The following MTF1 variants were observed in gnomAD, a reference collection of about 807,000 sequenced individuals.
The protein encoded by MTF1 is metal regulatory transcription factor 1.
Under a neutral mutation model 70.4 loss-of-function variants are expected in MTF1, and 22 were observed. The observed-to-expected ratio is 0.31, with a 90% CI of 0.22 to 0.45. The LOEUF is 0.45. Ranked by LOEUF, MTF1 falls within the 20% of genes least tolerant of loss-of-function variation. The pLI is 1.00. For synonymous variants in MTF1, 333 were observed against 352.8 expected, an observed-to-expected ratio of 0.94 and a Z score of 0.63; for missense variants, 649 against 922.0, an observed-to-expected ratio of 0.70 and a Z score of 3.83.
chr1:37,833,922 T>C (rs1316453777), intron 6 of MTF1, among the ~76,000 whole-genome samples: 2 of 152,056 alleles, frequency 1.3e-5, no homozygotes, highest in Non-Finnish European at 2.9e-5. Flanking sequence ...ACCATATGGC[T>C]GAAGTGAGAG....
intron 2 of MTF1, among the ~76,000 whole-genome samples, chr1:37,843,243 C>T (rs1641282383): frequency 6.6e-6 from 1 of 152,112 alleles, no homozygotes; most frequent in Admixed American, 6.5e-5. Flanking sequence ...CCAAGCAGTC[C>T]TCCTGCCTCG....
intron 2 of MTF1, among the ~76,000 whole-genome samples, chr1:37,846,601 T>C (rs1641335316): frequency 6.6e-6 from 1 of 152,132 alleles, no homozygotes; most frequent in African/African-American, 2.4e-5. Flanking sequence ...TTACAAAGTG[T>C]TCTGAGCAGT....
rs1443514568 is a variant in MTF1, at chr1:37,835,165, T to A, written c.904A>T (p.Thr302Ser). Residue 302 changes from threonine (T) to serine (S), a missense_variant, in exon 6 of 11, where the codon ACT (threonine) becomes TCT (serine). By Grantham distance (58) the Thr-to-Ser change is moderately conservative. Transcript: ENST00000373036. ...PSNGCEKTFS[T>S]QYSLKSHMKG... ...ATGTGACTTTTGAGACTGTATTGAG[T>A]GCTGAATGTTTTCTCACAGCCATTA... The A allele has an allele frequency of 6.2e-7, 1 of 1,613,650 alleles. No homozygotes were observed. The highest frequency in any genetic ancestry group is 8.5e-7 in the Non-Finnish European group (1 of 1,179,540).
intron 4 of MTF1, among the ~76,000 whole-genome samples, chr1:37,837,042 G>A (rs1641182055): frequency 6.6e-6 from 1 of 152,032 alleles, no homozygotes; most frequent in Admixed American, 6.5e-5. Context: ...ACTCAGGAAT[G>A]CATCTGTAAC....
chr1:37,822,405 T>G lies in MTF1; in HGVS notation c.1483A>C (p.Ile495Leu). 1 of 1,614,144 alleles carries G rather than the reference T, an allele frequency of 6.2e-7. No individual in the cohort carries two copies. Among genetic ancestry groups the G allele is most frequent in the Non-Finnish European group, 8.5e-7 (1 of 1,180,010 alleles). ...FLPHPQAPQPIVPGLSVVAGA... is the reference protein window; with the variant it reads ...FLPHPQAPQPLVPGLSVVAGA... ...GCAACAACAGAAAGTCCTGGTACAA[T>G]GGGCTGCGGTGCCTGGGGGTGCGGA... The change falls in exon 9 of 11, where the codon ATT (isoleucine) becomes CTT (leucine). Residue 495 changes from isoleucine to leucine, a missense_variant. Around this residue, in one of 7 missense-constraint regions of MTF1, gnomAD observed 267 missense variants for 292.1 expected, o/e 0.91. Coordinates refer to ENST00000373036, the MANE Select transcript of MTF1 (RefSeq NM_005955.3).
In MTF1 at chr1:37,840,927, C is replaced by T; in HGVS notation, c.409-769G>A. 4.4e-6 allele frequency: 1 copy of T among 226,136 alleles called. No individual in the cohort carries two copies. 14.0% of individuals were successfully genotyped at this position (226,136 alleles called of 1,614,324 possible). A position where few individuals can be genotyped will look rare whatever the true frequency, so the allele number is the denominator to read the frequency against. On this transcript the variant is annotated intron_variant, in intron 2 of 10. Coordinates refer to ENST00000373036, the MANE Select transcript of MTF1 (RefSeq NM_005955.3). This position sits in a 1 kb window ranked among gnomAD's most constrained non-coding sequence, Gnocchi z 4.5. Reference sequence around the variant, plus strand: ...GGGCCAGGGTCATGGCTGTGGTTGGCCTGGAGCCAGGGCTGAGGCCATGGA... The same window carrying T: ...GGGCCAGGGTCATGGCTGTGGTTGGTCTGGAGCCAGGGCTGAGGCCATGGA...
At chr1:37,843,666 T>C (rs1021594884) in intron 2 of MTF1, among the ~76,000 whole-genome samples, 3 of 152,212 alleles carry the variant, frequency 2.0e-5, no homozygotes, top group African/African-American at 7.2e-5. Context: ...GACACTAAAA[T>C]TTGAATTTCA....
chr1:37,829,491 AT>A (rs1299109620), intron 7 of MTF1, among the ~76,000 whole-genome samples: 1 of 151,754 alleles, frequency 6.6e-6, no homozygotes, highest in Non-Finnish European at 1.5e-5. Context: ...AGCAAAGAAA[AT>A]TTAATCCTGG....
chr1:37,850,566 AAGAGAGAG>A (rs59048233), intron 2 of MTF1, among the ~76,000 whole-genome samples: 13 of 146,544 alleles, frequency 8.9e-5, no homozygotes, highest in African/African-American at 2.3e-4. Flanking sequence ...GGGAGAGAGA[AAGAGAGAG>A]AGAGAGAGAG....
At chr1:37,844,733 C>A (rs1641308619) in intron 2 of MTF1, among the ~76,000 whole-genome samples, 1 of 152,060 alleles carries the variant, frequency 6.6e-6, no homozygotes, top group South Asian at 2.1e-4. Flanking sequence ...AATTAACTAC[C>A]CCCTCCTGTC....
chr1:37,846,417 C>T (rs1641333035), intron 2 of MTF1, among the ~76,000 whole-genome samples: 1 of 149,352 alleles, frequency 6.7e-6, no homozygotes, highest in Non-Finnish European at 1.5e-5. Flanking sequence ...AAAAAGCTTT[C>T]CTCCAAAAGA....
chr1:37,817,352 A>G (rs946532312), intron 10 of MTF1, 67 bp downstream of exon 10: 2 of 942,918 alleles, frequency 2.1e-6, no homozygotes, highest in East Asian at 2.4e-5. Context: ...GGACAAAGCA[A>G]TAATTAGCTG....
intron 4 of MTF1, among the ~76,000 whole-genome samples, chr1:37,838,091 C>T (rs1258032495): frequency 2.0e-5 from 3 of 152,128 alleles, no homozygotes; most frequent in East Asian, 1.9e-4. Flanking sequence ...TGTATACACA[C>T]GAGATATTAC....
intron 2 of MTF1, among the ~76,000 whole-genome samples, chr1:37,851,326 C>T (rs1448676641): frequency 2.0e-5 from 3 of 152,206 alleles, no homozygotes; most frequent in Non-Finnish European, 2.9e-5. Context: ...ACAAAGTGCT[C>T]ATAATATCCT....
chr1:37,814,936 T>G lies in MTF1; in HGVS notation c.*200A>C. On this transcript the variant is annotated 3_prime_UTR_variant, in exon 11 of 11. Transcript: ENST00000373036. ...TAACTTAGCTTTTTTTGTTGTTTTT[T>G]TTGTTTTTTGTTTTTTTCCAAAGAA... The G allele has an allele frequency of 1.8e-6, 1 of 556,132 alleles. No individual in the cohort carries two copies. Among genetic ancestry groups the G allele is most frequent in the Non-Finnish European group, 3.1e-6 (1 of 318,374 alleles). 34.4% of individuals were successfully genotyped at this position (556,132 alleles called of 1,614,324 possible).
rs549759028 is a variant in MTF1 at position 37,830,838 on chromosome 1, C to T, written c.1068+1407G>A. Among the ~76,000 whole-genome samples, 9 of 152,280 alleles carry T rather than the reference C, an allele frequency of 5.9e-5. No individual in the cohort carries two copies. The East Asian group carries it at 1.4e-3, about 23-fold the overall frequency. ...TAGAGTCTATCCCACACATCCATGG[C>T]GCAGGGGTCAGCCAGAGATTCGGAG... On this transcript the variant is annotated intron_variant, in intron 7 of 10. Coordinates refer to ENST00000373036, the MANE Select transcript of MTF1 (RefSeq NM_005955.3).
intron 9 of MTF1, among the ~76,000 whole-genome samples, chr1:37,819,758 C>T (rs1640882193): frequency 6.6e-6 from 1 of 151,924 alleles, no homozygotes; most frequent in Non-Finnish European, 1.5e-5. Flanking sequence ...TGGAGACCAG[C>T]CTGGCCAACA....
At chr1:37,829,671 G>C (rs899460316) in intron 7 of MTF1, among the ~76,000 whole-genome samples, 1 of 152,002 alleles carries the variant, frequency 6.6e-6, no homozygotes, top group African/African-American at 2.4e-5. Flanking sequence ...TGTAGGCCCA[G>C]CTACTGGGGA....
Position 37,814,814 on chromosome 1 carries a change from T to C in MTF1, c.*322A>G, listed in dbSNP as rs1569839194. On this transcript the variant is annotated 3_prime_UTR_variant, in exon 11 of 11. Transcript: ENST00000373036. Reference sequence around the variant, plus strand: ...ATCAGATTGATGGAAACCACACCCTTTCATTTAGAATTTTTATGCACACGA... The same window carrying C: ...ATCAGATTGATGGAAACCACACCCTCTCATTTAGAATTTTTATGCACACGA... 3 of 274,704 alleles carry C rather than the reference T, an allele frequency of 1.1e-5. No individual in the cohort carries two copies. The East Asian group carries it at 2.6e-4, about 24-fold the overall frequency. 17.0% of individuals were successfully genotyped at this position (274,704 alleles called of 1,614,324 possible).
Sources: gnomAD v4.1 joint callset for allele counts (sites outside exome capture counted in the v4.1 genomes callset) on GRCh38, gnomAD v4.1.1 for gene constraint, gnomAD v4.1.1 regional missense constraint, Gnocchi (gnomAD v3.1) non-coding constraint, MANE v1.5 for transcripts, NCBI Gene and HGNC (gene_info 2026-07-23, HGNC 2026-07-21) for gene names.